Variants in DYRK1A observed in about 807,000 individuals in gnomAD.
The protein encoded by DYRK1A is dual specificity tyrosine phosphorylation regulated kinase 1A.
In DYRK1A, 9 loss-of-function variants were observed where a neutral mutation model predicts 79.7. That is an observed-to-expected ratio of 0.11 (90% confidence interval 0.07 to 0.20). The LOEUF (loss-of-function observed/expected upper bound fraction) is 0.20, where lower values mean the gene tolerates loss of function less well. Ranked by LOEUF, DYRK1A falls within the 10% of genes least tolerant of loss-of-function variation. The pLI is 1.00. For missense variants in DYRK1A, 622 were observed against 956.0 expected, an observed-to-expected ratio of 0.65 and a Z score of 4.61; for synonymous variants, 349 against 329.7, an observed-to-expected ratio of 1.06 and a Z score of -0.63.
Position 37,512,446 on chromosome 21 carries a change from A to G in DYRK1A, c.2180A>G (p.His727Arg). ...CCTGCACATTACATGACTGAAGGAC[A>G]TCTGACAATGAGGCAAGGGGCTGAT... is the stretch of plus-strand genomic sequence containing the variant. ...TGPAHYMTEGHLTMRQGADRE... is the reference protein window; with the variant it reads ...TGPAHYMTEGRLTMRQGADRE... Residue 727 changes from histidine (H) to arginine (R), a missense_variant, in exon 12 of 12, where the codon CAT becomes CGT. By Grantham distance (29) the His-to-Arg change is conservative. This residue lies in a region of DYRK1A where 292 missense variants were observed against 316.7 expected (regional missense o/e 0.92). Transcript: ENST00000647188. 6.2e-7 allele frequency: 1 copy of G among 1,614,262 alleles called. No individual in the cohort carries two copies. The highest frequency in any genetic ancestry group is 8.5e-7 in the Non-Finnish European group (1 of 1,180,046).
upstream of DYRK1A, chr21:37,366,153 G>A (rs1400716846): frequency 2.6e-5 from 4 of 151,442 alleles, no homozygotes; most frequent in African/African-American, 7.3e-5. Context: ...CGCGCTTCCC[G>A]GGGAGAGAGG....
rs2053924174 is a variant in DYRK1A, at chr21:37,520,123, C to T, written c.*7592C>T. On this transcript the variant is annotated 3_prime_UTR_variant, in exon 12 of 12. Coordinates refer to ENST00000647188, the MANE Select transcript of DYRK1A (RefSeq NM_001347721.2). Reference sequence around the variant, plus strand: ...TTTCAGTAGAATTTCTCTGTACAACCTCAGGGAGACTGCCTGGAGGAATAA... The same window carrying T: ...TTTCAGTAGAATTTCTCTGTACAACTTCAGGGAGACTGCCTGGAGGAATAA... 6.6e-6 allele frequency: 1 copy of T among 152,120 alleles called. No individual in the cohort carries two copies. The highest frequency in any genetic ancestry group is 2.4e-5 in the African/African-American group (1 of 41,402). 9.4% of individuals were successfully genotyped at this position (152,120 alleles called of 1,614,324 possible).
At chr21:37,367,758 G>T (rs1171975484) in intron 1 of DYRK1A, 130 bp downstream of exon 1, 1 of 150,820 alleles carries the variant, frequency 6.6e-6, no homozygotes, top group Non-Finnish European at 1.5e-5. Context: ...AGGCGCCGCG[G>T]GCCCAGGGCC....
At chr21:37,501,549 C>T (rs1226200120) in intron 9 of DYRK1A, 1 of 152,136 alleles carries the variant, frequency 6.6e-6, no homozygotes, top group Non-Finnish European at 1.5e-5. Flanking sequence ...AATTTTGTTA[C>T]ATAATTTCAA....
intron 1 of DYRK1A, among the ~76,000 whole-genome samples, chr21:37,409,265 A>G (rs1455414369): frequency 6.6e-6 from 1 of 152,198 alleles, no homozygotes; most frequent in Non-Finnish European, 1.5e-5. Context: ...GCACTGTTTT[A>G]AATGGTTTAC....
intron 2 of DYRK1A, among the ~76,000 whole-genome samples, chr21:37,442,282 T>C (rs1235337232): frequency 1.3e-5 from 2 of 152,148 alleles, no homozygotes; most frequent in African/African-American, 2.4e-5. Flanking sequence ...TTTTGACCAT[T>C]AGTTTTTCAA....
intron 1 of DYRK1A, among the ~76,000 whole-genome samples, chr21:37,370,573 T>C (rs1381566497): frequency 6.6e-6 from 1 of 152,194 alleles, no homozygotes; most frequent in African/African-American, 2.4e-5. Context: ...GGCTTTCACG[T>C]TTCCTGTACA....
intron 8 of DYRK1A, 149 bp from the exon 9 acceptor site, chr21:37,495,969 T>A (rs765603320): frequency 1.5e-6 from 1 of 664,374 alleles, no homozygotes; most frequent in Non-Finnish European, 2.5e-6. Flanking sequence ...AGGGCCTTTC[T>A]TGTGTTTGTT....
intron 2 of DYRK1A, among the ~76,000 whole-genome samples, chr21:37,458,311 TATAC>T (rs2051726481): frequency 6.6e-6 from 1 of 151,734 alleles, no homozygotes; most frequent in East Asian, 1.9e-4. Flanking sequence ...TGTGTGTACA[TATAC>T]ATATGTATTA....
chr21:37,409,463 G>C (rs928021704), intron 1 of DYRK1A, among the ~76,000 whole-genome samples: 1 of 152,008 alleles, frequency 6.6e-6, no homozygotes, highest in Admixed American at 6.6e-5. Flanking sequence ...GATATTAACT[G>C]ATTTTTAAAA....
At position 37,405,826 on chromosome 21, in the gene DYRK1A, T is replaced by A. The variant is rs544418757; in HGVS notation, c.-76-14473T>A. 7.9e-5 allele frequency among the ~76,000 whole-genome samples: 12 copies of A among 152,318 alleles called. 1 individual carries two copies. In the South Asian group the frequency reaches 2.5e-3, roughly 32 times the overall value. On this transcript the variant is annotated intron_variant, in intron 1 of 11. Transcript: ENST00000647188. Reference sequence around the variant, plus strand: ...TGAAGTCCACGAGGTAGAGGCACAGTGACAGCAAGCCTCACTCTACATCTT... The same window carrying A: ...TGAAGTCCACGAGGTAGAGGCACAGAGACAGCAAGCCTCACTCTACATCTT...
At chr21:37,444,909 T>G (rs2051219254) in intron 2 of DYRK1A, among the ~76,000 whole-genome samples, 1 of 152,074 alleles carries the variant, frequency 6.6e-6, no homozygotes, top group Non-Finnish European at 1.5e-5. Context: ...TTTTTCTGGG[T>G]AGGTGCTACA....
chr21:37,485,483 A>T (rs1326352187), intron 5 of DYRK1A, among the ~76,000 whole-genome samples: 1 of 152,212 alleles, frequency 6.6e-6, no homozygotes, highest in Non-Finnish European at 1.5e-5. Context: ...GCCTTGACTG[A>T]TGAAGATCTG....
At chr21:37,417,523 C>CTTTTTCTTTTTCTTTT (rs2050369920) in intron 1 of DYRK1A, among the ~76,000 whole-genome samples, 2 of 47,176 alleles carry the variant, frequency 4.2e-5, no homozygotes, top group African/African-American at 1.9e-4. Context: ...TTTTCTTTTT[C>CTTTTTCTTTTTCTTTT]TTTTTCTTTT....
intron 9 of DYRK1A, chr21:37,503,240 A>G (rs1023108225): frequency 6.6e-6 from 1 of 152,116 alleles, no homozygotes; most frequent in African/African-American, 2.4e-5. Flanking sequence ...CTAGTTCTCC[A>G]GTGATGTGTA....
intron 1 of DYRK1A, among the ~76,000 whole-genome samples, chr21:37,396,424 T>G (rs1174431141): frequency 6.6e-6 from 1 of 152,198 alleles, no homozygotes; most frequent in Non-Finnish European, 1.5e-5. Context: ...ACTGAAGTCC[T>G]CTGGAAATCT....
chr21:37,396,821 T>C (rs1159846995), intron 1 of DYRK1A, among the ~76,000 whole-genome samples: 1 of 152,174 alleles, frequency 6.6e-6, no homozygotes, highest in African/African-American at 2.4e-5. Context: ...CCATTTATCA[T>C]GTAGAGAGTA....
chr21:37,500,995 G>T (rs2053427089), intron 9 of DYRK1A, among the ~76,000 whole-genome samples: 1 of 144,486 alleles, frequency 6.9e-6, no homozygotes, highest in African/African-American at 2.6e-5. Flanking sequence ...TCTTCATTAT[G>T]TCCATTTACT....
At chr21:37,508,073 C>G (rs2053647743) in intron 11 of DYRK1A, among the ~76,000 whole-genome samples, 1 of 151,812 alleles carries the variant, frequency 6.6e-6, no homozygotes, top group South Asian at 2.1e-4. Flanking sequence ...GGGGGCACTC[C>G]TCTCTCCCTC....
Sources: gnomAD v4.1 joint callset for allele counts (sites outside exome capture counted in the v4.1 genomes callset) on GRCh38, gnomAD v4.1.1 for gene constraint, gnomAD v4.1.1 regional missense constraint, MANE v1.5 for transcripts, NCBI Gene and HGNC (gene_info 2026-07-23, HGNC 2026-07-21) for gene names.